The following BBS9 variants were observed in gnomAD, a reference collection of about 807,000 sequenced individuals.
BBS9 encodes the protein Bardet-Biedl syndrome 9.
BBS9 carries 89 observed loss-of-function variants against 117.7 expected under a neutral mutation model. The observed-to-expected ratio is 0.76, with a 90% CI of 0.64 to 0.90. The LOEUF is 0.90. Among genes scored for constraint, BBS9 ranks in the 40% least tolerant of loss-of-function variants. BBS9 has a pLI of 0.00. For synonymous variants in BBS9, 379 were observed against 370.9 expected (o/e 1.02, Z -0.25); for missense variants, 982 against 1,042.2 (o/e 0.94, Z 0.80).
intron 19 of BBS9, among the ~76,000 whole-genome samples, chr7:33,406,204 A>G (rs1464419888): frequency 6.6e-6 from 1 of 152,086 alleles, no homozygotes; most frequent in Non-Finnish European, 1.5e-5. Flanking sequence ...GTGGTCTGAG[A>G]GACAGTTTGT....
At chr7:33,510,063 A>G (rs1273777860) in intron 20 of BBS9, among the ~76,000 whole-genome samples, 2 of 152,152 alleles carry the variant, frequency 1.3e-5, no homozygotes, top group East Asian at 1.9e-4. Context: ...ACAGAAGAAC[A>G]TTAAGTATTC....
intron 9 of BBS9, among the ~76,000 whole-genome samples, chr7:33,290,574 T>C (rs1162720187): frequency 1.3e-5 from 2 of 152,144 alleles, no homozygotes; most frequent in African/African-American, 2.4e-5. Context: ...AAAGGCAAAA[T>C]TTAGAACTTT....
At chr7:33,316,045 A>C (rs1810433434) in intron 9 of BBS9, among the ~76,000 whole-genome samples, 1 of 152,134 alleles carries the variant, frequency 6.6e-6, no homozygotes, top group Admixed American at 6.6e-5. Context: ...TCTCATCCAC[A>C]CGTCTCTCAA....
intron 5 of BBS9, among the ~76,000 whole-genome samples, chr7:33,244,962 G>A (rs1795105974): frequency 6.6e-6 from 1 of 152,068 alleles, no homozygotes; most frequent in Non-Finnish European, 1.5e-5. Flanking sequence ...CCTAATTAGT[G>A]CCCCTTTTTG....
intron 4 of BBS9, among the ~76,000 whole-genome samples, chr7:33,175,971 A>G (rs1484073686): frequency 6.6e-6 from 1 of 152,188 alleles, no homozygotes; most frequent in Non-Finnish European, 1.5e-5. Flanking sequence ...TGGGAAGGTG[A>G]CCAGAAAAAG....
At chr7:33,326,073 G>C (rs1403410405) in intron 9 of BBS9, among the ~76,000 whole-genome samples, 3 of 151,962 alleles carry the variant, frequency 2.0e-5, no homozygotes, top group Non-Finnish European at 4.4e-5. Flanking sequence ...CTTCCCTTTT[G>C]GGCCATGAAT....
At chr7:33,129,291 G>C (rs3750122), upstream of BBS9, 49,186 of 549,988 alleles carry the variant, frequency 0.089, 2,509 homozygotes, top group South Asian at 0.13. Context: ...GGCCGGGGGG[G>C]CGTGGCCTGC....
chr7:33,309,526 AATT>A (rs1808740162), intron 9 of BBS9, among the ~76,000 whole-genome samples: 1 of 152,210 alleles, frequency 6.6e-6, no homozygotes, highest in Non-Finnish European at 1.5e-5. Context: ...GCAGAAAAAG[AATT>A]ATTGTTATTC....
chr7:33,406,528 C>G (rs1430829922), intron 19 of BBS9, among the ~76,000 whole-genome samples: 5 of 152,022 alleles, frequency 3.3e-5, no homozygotes, highest in Non-Finnish European at 5.9e-5. Context: ...TCTTCCTAGT[C>G]TCGATGGTCT....
chr7:33,304,689 G>A (rs572009281), intron 9 of BBS9, among the ~76,000 whole-genome samples: 48 of 152,166 alleles, frequency 3.2e-4, no homozygotes, highest in East Asian at 1.5e-3. Context: ...CGGTTTTGTC[G>A]AAAAGAAAAG....
chr7:33,547,091 T>C (rs529971408), intron 21 of BBS9, among the ~76,000 whole-genome samples: 178 of 152,330 alleles, frequency 1.2e-3, no homozygotes, highest in Non-Finnish European at 2.0e-3. Flanking sequence ...CAATCTCATA[T>C]ACTCTTCACT....
intron 19 of BBS9, among the ~76,000 whole-genome samples, chr7:33,462,910 T>C (rs1381577956): frequency 2.0e-5 from 3 of 152,092 alleles, no homozygotes; most frequent in Non-Finnish European, 4.4e-5. Flanking sequence ...TTAGGAAATA[T>C]TTAAAGGAAA....
At chr7:33,499,990 G>A (rs905058904) in intron 19 of BBS9, among the ~76,000 whole-genome samples, 35 of 152,220 alleles carry the variant, frequency 2.3e-4, no homozygotes, top group African/African-American at 8.4e-4. Flanking sequence ...CCTAGAAAAT[G>A]TCTGTTTTCT....
intron 6 of BBS9, among the ~76,000 whole-genome samples, chr7:33,263,594 T>G (rs533102954): frequency 6.6e-6 from 1 of 152,290 alleles, no homozygotes; most frequent in Middle Eastern, 3.4e-3. Flanking sequence ...AAAATACTTA[T>G]AGATCATAAT....
At chr7:33,442,761 CT>C (rs35688914) in intron 19 of BBS9, among the ~76,000 whole-genome samples, 4 of 151,720 alleles carry the variant, frequency 2.6e-5, no homozygotes, top group South Asian at 4.2e-4. Context: ...ATGTGATCAC[CT>C]TTTTTTTGGT....
At chr7:33,355,118 A>G (rs1819389994) in intron 15 of BBS9, among the ~76,000 whole-genome samples, 1 of 152,042 alleles carries the variant, frequency 6.6e-6, no homozygotes, top group Non-Finnish European at 1.5e-5. Context: ...TCTTTCAACT[A>G]AGTTGAAAGC....
rs945119874 is a variant in BBS9 at position 33,618,955 on chromosome 7, G to C, written c.2522-16222G>C. The stretch of plus-strand genomic sequence containing the variant: ...AGAAGACAGCGAGAGAGGAAGAATA[G>C]AACAAAAGTACTACAAAACAATTAG... On this transcript the variant is annotated intron_variant, in intron 21 of 21. Transcript: ENST00000671952. Among the ~76,000 whole-genome samples, 23 of 151,890 alleles carry C rather than the reference G, an allele frequency of 1.5e-4. No individual in the cohort carries two copies. In the East Asian group the frequency reaches 4.3e-3, roughly 28 times the overall value.
At chr7:33,444,540 CATT>C (rs1452953111) in intron 19 of BBS9, among the ~76,000 whole-genome samples, 1 of 152,118 alleles carries the variant, frequency 6.6e-6, no homozygotes, top group Non-Finnish European at 1.5e-5. Flanking sequence ...AAGGACTAGT[CATT>C]ATAGAAAGCT....
chr7:33,314,650 C>G (rs1309028534), intron 9 of BBS9: 2 of 152,344 alleles, frequency 1.3e-5, no homozygotes, highest in Non-Finnish European at 2.9e-5. Context: ...TAAAGATAAA[C>G]TTCATAAAGA....
Sources: allele counts gnomAD v4.1 joint callset (sites outside exome capture counted in the v4.1 genomes callset), GRCh38; gene constraint gnomAD v4.1.1; transcripts MANE v1.5; gene names NCBI Gene and HGNC (gene_info 2026-07-23, HGNC 2026-07-21).